The following RICTOR variants were observed in gnomAD, a reference collection of about 807,000 sequenced individuals.
RICTOR encodes RPTOR independent companion of MTOR complex 2.
In RICTOR, 49 loss-of-function variants were observed where a neutral mutation model predicts 214.9. The ratio of observed to expected loss-of-function variants is 0.23; its 90% CI spans 0.18 to 0.29. The LOEUF is 0.29. Ranked by LOEUF, RICTOR falls within the 10% of genes least tolerant of loss-of-function variation. RICTOR has a pLI of 1.00. For synonymous variants in RICTOR, 717 were observed against 711.3 expected, an observed-to-expected ratio of 1.01 and a Z score of -0.13; for missense variants, 1,625 against 2,047.0, an observed-to-expected ratio of 0.79 and a Z score of 3.98.
chr5:38,982,606 C>T (rs1751809685), intron 7 of RICTOR, among the ~76,000 whole-genome samples: 1 of 151,896 alleles, frequency 6.6e-6, no homozygotes, highest in Non-Finnish European at 1.5e-5. Flanking sequence ...CTCAATTTTC[C>T]CCCTTCCAAA....
intron 7 of RICTOR, among the ~76,000 whole-genome samples, chr5:38,983,828 G>C (rs1285236153): frequency 6.6e-6 from 1 of 152,094 alleles, no homozygotes; most frequent in African/African-American, 2.4e-5. Flanking sequence ...AGCTGGGCAT[G>C]GTGGTGCGTG....
chr5:39,018,357 C>T (rs1316315107), intron 3 of RICTOR, among the ~76,000 whole-genome samples: 1 of 152,030 alleles, frequency 6.6e-6, no homozygotes, highest in East Asian at 1.9e-4. Flanking sequence ...AAATATGGCA[C>T]ACATATGTAG....
intron 3 of RICTOR, among the ~76,000 whole-genome samples, chr5:39,013,291 T>G (rs2150124484): frequency 6.6e-6 from 1 of 152,304 alleles, no homozygotes; most frequent in Middle Eastern, 3.4e-3. Flanking sequence ...TATACAAATC[T>G]TATTTTAAGA....
At position 39,070,396 on chromosome 5, in the gene RICTOR, G is replaced by A. The variant is rs952042589; in HGVS notation, c.97+3715C>T. 1.1e-4 allele frequency among the ~76,000 whole-genome samples: 16 copies of A among 152,178 alleles called. No homozygotes were observed. The East Asian group carries it at 1.5e-3, about 15-fold the overall frequency. On this transcript the variant is annotated intron_variant, in intron 2 of 37. Transcript: ENST00000357387. ...AGGCAGGAGAATGGCGTGAACCCGG[G>A]AAGCGGAGCTTGCAGTGAGCCGAGA...
At position 38,958,655 on chromosome 5, in the gene RICTOR, A is replaced by G. The variant is rs1428756426; in HGVS notation, c.2343+12T>C. ...AAATTTAAGTATTAAATTATAAAAA[A>G]TGAACCTTTACCTTGTCTTCACATG... On this transcript the variant is annotated intron_variant, in intron 23 of 37. Coordinates refer to ENST00000357387, the MANE Select transcript of RICTOR (RefSeq NM_152756.5). 2 of 1,577,572 alleles carry G rather than the reference A, an allele frequency of 1.3e-6. No individual in the cohort carries two copies. The highest frequency in any genetic ancestry group is 1.7e-6 in the Non-Finnish European group (2 of 1,164,790).
chr5:39,006,981 T>C (rs1244035578), intron 3 of RICTOR, among the ~76,000 whole-genome samples: 1 of 152,186 alleles, frequency 6.6e-6, no homozygotes, highest in Non-Finnish European at 1.5e-5. Context: ...TAGTTACAAA[T>C]TTAAGAGAAT....
chr5:39,038,241 C>G (rs1294919193), intron 2 of RICTOR, among the ~76,000 whole-genome samples: 1 of 152,146 alleles, frequency 6.6e-6, no homozygotes, highest in African/African-American at 2.4e-5. Flanking sequence ...TCAATAGATG[C>G]AGAAAAGGTC....
chr5:39,039,661 T>C lies in RICTOR; in HGVS notation c.98-18525A>G, dbSNP rs1346004359. Among the ~76,000 whole-genome samples, 4 of 152,232 alleles carry C rather than the reference T, an allele frequency of 2.6e-5. No individual in the cohort carries two copies. The East Asian group carries it at 7.7e-4, about 29-fold the overall frequency. On this transcript the variant is annotated intron_variant, in intron 2 of 37. Coordinates refer to ENST00000357387, the MANE Select transcript of RICTOR (RefSeq NM_152756.5). The stretch of plus-strand genomic sequence containing the variant: ...CCCATCAAAAAGTGGGCAAAGGATA[T>C]GAACAGACACTTCTCAAAAGAAGAC...
At chr5:38,987,166 G>T (rs1752236983) in intron 7 of RICTOR, among the ~76,000 whole-genome samples, 1 of 152,170 alleles carries the variant, frequency 6.6e-6, no homozygotes, top group Admixed American at 6.5e-5. Flanking sequence ...TTTCATCAGG[G>T]ATATTAGCCT....
chr5:38,964,136 A>T (rs1561466532), intron 16 of RICTOR, among the ~76,000 whole-genome samples: 1 of 151,880 alleles, frequency 6.6e-6, no homozygotes, highest in Non-Finnish European at 1.5e-5. Context: ...ATAACAAAAT[A>T]AAAAAACAAC....
intron 5 of RICTOR, among the ~76,000 whole-genome samples, chr5:38,999,882 G>T (rs1182873877): frequency 2.6e-5 from 4 of 151,832 alleles, no homozygotes; most frequent in African/African-American, 4.8e-5. Flanking sequence ...ATTTACAGGG[G>T]AGACACTTAA....
At chr5:38,993,128 A>T (rs1003563485) in intron 6 of RICTOR, among the ~76,000 whole-genome samples, 2 of 152,184 alleles carry the variant, frequency 1.3e-5, no homozygotes, top group African/African-American at 4.8e-5. Context: ...CTGAAGGCCA[A>T]AGTTGGCAGG....
chr5:39,024,851 T>G (rs1341521241), intron 2 of RICTOR, among the ~76,000 whole-genome samples: 1 of 152,228 alleles, frequency 6.6e-6, no homozygotes, highest in Non-Finnish European at 1.5e-5. Context: ...CACAATCTTG[T>G]TACAAAGCAA....
At chr5:38,979,184 T>G (rs995173472) in intron 8 of RICTOR, among the ~76,000 whole-genome samples, 1 of 152,182 alleles carries the variant, frequency 6.6e-6, no homozygotes, top group Non-Finnish European at 1.5e-5. Context: ...CTTACTCTAC[T>G]GTGCAGACTA....
chr5:39,023,162 A>G (rs1447974424), intron 2 of RICTOR, among the ~76,000 whole-genome samples: 2 of 152,140 alleles, frequency 1.3e-5, no homozygotes, highest in African/African-American at 4.8e-5. Flanking sequence ...TATCCAAAAC[A>G]GGGCAAAACA....
At chr5:39,073,984 G>T in intron 2 of RICTOR, 127 bp downstream of exon 2, 1 of 467,480 alleles carries the variant, frequency 2.1e-6, no homozygotes, top group Non-Finnish European at 3.0e-6. Context: ...GGCAGGCGGG[G>T]CTCCGGCTCT....
At position 39,072,241 on chromosome 5, in the gene RICTOR, T is replaced by C. The variant is rs146271598; in HGVS notation, c.97+1870A>G. On this transcript the variant is annotated intron_variant, in intron 2 of 37. Coordinates refer to ENST00000357387, the MANE Select transcript of RICTOR (RefSeq NM_152756.5). ...TGCACTATCTATATTAACCTGGAAATACCTATGGACATAGGTGCTTACTAA... is the reference window on the plus strand; with the variant it reads ...TGCACTATCTATATTAACCTGGAAACACCTATGGACATAGGTGCTTACTAA... Among the ~76,000 whole-genome samples the C allele has an allele frequency of 3.1e-3, 468 of 152,326 alleles. 5 individuals are homozygous for C. The highest frequency in any genetic ancestry group is 4.4e-3 in the Non-Finnish European group (298 of 68,026).
chr5:38,978,541 T>C (rs1176480904), intron 9 of RICTOR, 42 bp downstream of exon 9: 3 of 991,974 alleles, frequency 3.0e-6, no homozygotes, highest in Admixed American at 2.1e-5. Flanking sequence ...AGTATTAACA[T>C]ATACATTATC....
intron 21 of RICTOR, 110 bp from the exon 22 acceptor site, chr5:38,959,431 T>C: frequency 1.5e-6 from 1 of 679,928 alleles, no homozygotes; most frequent in East Asian, 2.8e-5. Context: ...AAATAAAAAT[T>C]GTATTATTCA....
Sources: gnomAD v4.1 joint callset for allele counts (sites outside exome capture counted in the v4.1 genomes callset) on GRCh38, gnomAD v4.1.1 for gene constraint, MANE v1.5 for transcripts, NCBI Gene and HGNC (gene_info 2026-07-23, HGNC 2026-07-21) for gene names.